Variants in GPC3 observed in about 807,000 individuals in gnomAD.
GPC3 encodes glypican 3.
A neutral mutation model predicts 34.4 loss-of-function variants in GPC3; 3 were observed. The ratio of observed to expected loss-of-function variants is 0.09; its 90% CI spans 0.04 to 0.23. The LOEUF (loss-of-function observed/expected upper bound fraction) is 0.23, where lower values mean the gene tolerates loss of function less well. GPC3 is among the 10% of genes least tolerant of loss of function. The pLI is 1.00. For synonymous variants in GPC3, 177 were observed against 174.0 expected (o/e 1.02, Z -0.13); for missense variants, 351 against 445.6 (o/e 0.79, Z 1.91).
intron 2 of GPC3, among the ~76,000 whole-genome samples, chrX:133,882,661 C>G (rs1451919932): frequency 9.0e-6 from 1 of 110,645 alleles, no homozygotes; most frequent in Non-Finnish European, 1.9e-5. Context: ...TGCCCCAAAT[C>G]GAGAGAAAAG....
rs1018950710 is a variant in GPC3 at position 133,985,568 on chromosome X, G to A, written c.-119C>T. On this transcript the variant is annotated 5_prime_UTR_variant, in exon 1 of 8. Coordinates refer to ENST00000370818, the MANE Select transcript of GPC3 (RefSeq NM_004484.4). ...GCAAGAGACGTGCTGCTACCCAGCCGCTGCAAAAGTTTCCTCGCAGCTACC... is the reference window on the plus strand; with the variant it reads ...GCAAGAGACGTGCTGCTACCCAGCCACTGCAAAAGTTTCCTCGCAGCTACC... 9.6e-6 allele frequency: 7 copies of A among 728,395 alleles called. No homozygotes were observed. In the African/African-American group the frequency reaches 1.5e-4, roughly 15 times the overall value. 60.0% of individuals were successfully genotyped at this position (728,395 alleles called of 1,213,427 possible).
chrX:133,849,289 C>T (rs1429392458), intron 2 of GPC3, among the ~76,000 whole-genome samples: 1 of 109,376 alleles, frequency 9.1e-6, no homozygotes, highest in Non-Finnish European at 1.9e-5. Context: ...AAAAATAAAA[C>T]GTATTCTCAC....
chrX:133,864,922 C>A (rs1378897620), intron 2 of GPC3, among the ~76,000 whole-genome samples: 1 of 112,602 alleles, frequency 8.9e-6, no homozygotes, highest in Non-Finnish European at 1.9e-5. Context: ...ACACAGATTA[C>A]AAACTTGCCA....
At chrX:133,941,508 T>C (rs1471705998) in intron 2 of GPC3, among the ~76,000 whole-genome samples, 1 of 112,556 alleles carries the variant, frequency 8.9e-6, no homozygotes, top group African/African-American at 3.2e-5. Flanking sequence ...CATTTTCATA[T>C]ATATTACCTC....
At chrX:133,711,927 G>A (rs1186656339) in intron 3 of GPC3, among the ~76,000 whole-genome samples, 1 of 111,846 alleles carries the variant, frequency 8.9e-6, no homozygotes, top group Non-Finnish European at 1.9e-5. Context: ...AAATCTAGAA[G>A]TTTTGTATCT....
rs186981677 is a variant in GPC3 at position 133,563,271 on chromosome X, C to A, written c.1574-26978G>T. Among the ~76,000 whole-genome samples the A allele has an allele frequency of 7.1e-4, 79 of 111,456 alleles. 1 individual carries two copies. The highest frequency in any genetic ancestry group is 2.4e-3 in the African/African-American group (75 of 30,731). On this transcript the variant is annotated intron_variant, in intron 7 of 7. Transcript: ENST00000370818. ...TAGAGAAGGGATCTCTCTCTGCCAC[C>A]CAGGCTGGAGTGTAGTGGCGTTGAT...
chrX:133,593,352 A>AG (rs2069873247), intron 7 of GPC3, among the ~76,000 whole-genome samples: 1 of 97,137 alleles, frequency 1.0e-5, no homozygotes, highest in Non-Finnish European at 2.1e-5. Context: ...AAAAAAAAAA[A>AG]GTAAAAAAAA....
chrX:133,635,118 C>T lies in GPC3; in HGVS notation c.1413+26612G>A, dbSNP rs764705941. Among the ~76,000 whole-genome samples, 8 of 111,940 alleles carry T rather than the reference C, an allele frequency of 7.1e-5. No individual in the cohort carries two copies. The Middle Eastern group carries it at 0.014, about 195-fold the overall frequency. ...AAATTCCTGCTCTTCTGAAATCTCT[C>T]TTTTTCATCCCACAGCCAATATTTA... On this transcript the variant is annotated intron_variant, in intron 6 of 7. Transcript: ENST00000370818.
intron 2 of GPC3, among the ~76,000 whole-genome samples, chrX:133,814,637 G>A (rs1387298656): frequency 9.1e-6 from 1 of 110,336 alleles, no homozygotes; most frequent in Non-Finnish European, 1.9e-5. Context: ...GCGTGATCTC[G>A]GCTCACTGCA....
At chrX:133,617,968 T>G (rs903772879) in intron 6 of GPC3, among the ~76,000 whole-genome samples, 1 of 111,963 alleles carries the variant, frequency 8.9e-6, no homozygotes, top group Non-Finnish European at 1.9e-5. Context: ...AACCGAAACA[T>G]TTTGAAAATA....
At chrX:133,810,861 CAAAAAAAAAA>C (rs11433697) in intron 2 of GPC3, among the ~76,000 whole-genome samples, 1 of 61,146 alleles carries the variant, frequency 1.6e-5, no homozygotes, top group South Asian at 1.1e-3. Context: ...GACTCCGTCT[CAAAAAAAAAA>C]AAAAAAAAAG....
chrX:133,749,731 C>T (rs1195659185), intron 3 of GPC3, among the ~76,000 whole-genome samples: 1 of 111,339 alleles, frequency 9.0e-6, no homozygotes, highest in Non-Finnish European at 1.9e-5. Flanking sequence ...CACAACTGAA[C>T]CTCAAGCAGG....
intron 2 of GPC3, among the ~76,000 whole-genome samples, chrX:133,796,424 G>A (rs1255269298): frequency 8.9e-6 from 1 of 112,158 alleles, no homozygotes; most frequent in Non-Finnish European, 1.9e-5. Context: ...GTTAGACCCT[G>A]GCTACAGTAA....
intron 6 of GPC3, among the ~76,000 whole-genome samples, chrX:133,643,723 T>C (rs1188504580): frequency 8.9e-6 from 1 of 111,816 alleles, no homozygotes; most frequent in Non-Finnish European, 1.9e-5. Context: ...ACAACTGTGT[T>C]TTAAAAAATA....
intron 2 of GPC3, among the ~76,000 whole-genome samples, chrX:133,874,209 T>C (rs760898472): frequency 2.7e-5 from 3 of 112,319 alleles, no homozygotes; most frequent in Admixed American, 9.5e-5. Flanking sequence ...CATTTTGCAG[T>C]TCCATTTTGG....
At chrX:133,640,970 C>T (rs1425022868) in intron 6 of GPC3, among the ~76,000 whole-genome samples, 2 of 110,273 alleles carry the variant, frequency 1.8e-5, no homozygotes, top group Non-Finnish European at 3.8e-5. Flanking sequence ...GAAAAAAAAT[C>T]AGTTGGGGCC....
At position 133,765,206 on chromosome X, in the gene GPC3, A is replaced by T. The variant is rs190071791; in HGVS notation, c.338-11030T>A. Reference sequence around the variant, plus strand: ...TGGATTACTCCAAACAGCCATGCGAAGACTGGATTATATCTTAGCTAGACC... The same window carrying T: ...TGGATTACTCCAAACAGCCATGCGATGACTGGATTATATCTTAGCTAGACC... On this transcript the variant is annotated intron_variant, in intron 2 of 7. Coordinates refer to ENST00000370818, the MANE Select transcript of GPC3 (RefSeq NM_004484.4). Among the ~76,000 whole-genome samples the T allele has an allele frequency of 4.6e-3, 519 of 112,124 alleles. 1 individual carries two copies. The highest frequency in any genetic ancestry group is 7.7e-3 in the Non-Finnish European group (407 of 53,118).
chrX:133,580,028 G>T lies in GPC3; in HGVS notation c.1573+16412C>A, dbSNP rs544840097. Among the ~76,000 whole-genome samples the T allele has an allele frequency of 1.4e-3, 154 of 112,622 alleles. 2 individuals are homozygous for T. In the South Asian group the frequency reaches 0.053, roughly 39 times the overall value. Reference sequence around the variant, plus strand: ...CTGAAGGAACAGAATAGCAAGTTTGGCAACAGTGAAAACTTTAAGGTAGTT... The same window carrying T: ...CTGAAGGAACAGAATAGCAAGTTTGTCAACAGTGAAAACTTTAAGGTAGTT... On this transcript the variant is annotated intron_variant, in intron 7 of 7. Transcript: ENST00000370818.
intron 2 of GPC3, among the ~76,000 whole-genome samples, chrX:133,789,237 T>C (rs2072137572): frequency 8.9e-6 from 1 of 111,784 alleles, no homozygotes; most frequent in Admixed American, 9.5e-5. Context: ...CTCCCTCCAA[T>C]AGACAAGTTA....
Sources: gnomAD v4.1 joint callset for allele counts (sites outside exome capture counted in the v4.1 genomes callset) on GRCh38, gnomAD v4.1.1 for gene constraint, MANE v1.5 for transcripts, NCBI Gene and HGNC (gene_info 2026-07-23, HGNC 2026-07-21) for gene names.